The following TTC29 variants were observed in gnomAD, a reference collection of about 807,000 sequenced individuals.
TTC29 encodes tetratricopeptide repeat protein 29.
In TTC29, 49 loss-of-function variants were observed where a neutral mutation model predicts 58.1. The ratio of observed to expected loss-of-function variants is 0.84; its 90% CI spans 0.67 to 1.07. The LOEUF (loss-of-function observed/expected upper bound fraction) is 1.07, where lower values mean the gene tolerates loss of function less well. TTC29 is among the 50% of genes least tolerant of loss of function. The probability of loss-of-function intolerance (pLI) is 0.00; values close to 1 mark genes in which losing one functional copy is unlikely to be tolerated. For synonymous variants in TTC29, 209 were observed against 196.8 expected (o/e 1.06, Z -0.52); for missense variants, 582 against 555.6 (o/e 1.05, Z -0.48).
chr4:146,713,401 A>G (rs1742673287), intron 11 of TTC29, among the ~76,000 whole-genome samples: 1 of 152,082 alleles, frequency 6.6e-6, no homozygotes, highest in Non-Finnish European at 1.5e-5. Flanking sequence ...CTGAGATTAT[A>G]GAGTTAATCT....
In TTC29 at chr4:146,884,926, G is replaced by T. The variant is rs1278667161; in HGVS notation, c.587-9998C>A. 2.6e-5 allele frequency among the ~76,000 whole-genome samples: 4 copies of T among 151,960 alleles called. No individual in the cohort carries two copies. In the South Asian group the frequency reaches 8.3e-4, roughly 32 times the overall value. On this transcript the variant is annotated intron_variant, in intron 6 of 12. Transcript: ENST00000325106. Reference sequence around the variant, plus strand: ...TTTATTGTTAAAAATTTTTTAATATGATAGTAATTAAAATAGAAAATAAGA... The same window carrying T: ...TTTATTGTTAAAAATTTTTTAATATTATAGTAATTAAAATAGAAAATAAGA...
At position 146,855,946 on chromosome 4, in the gene TTC29, T is replaced by A. The variant is rs150739538; in HGVS notation, c.885+11552A>T. ...ATGCCTCTTCTTCTTTCGCAGCCTC[T>A]AGATCAACGAGTGCTAACAGCTGTG... On this transcript the variant is annotated intron_variant, in intron 8 of 12. Coordinates refer to ENST00000325106, the MANE Select transcript of TTC29 (RefSeq NM_031956.4). Among the ~76,000 whole-genome samples the A allele has an allele frequency of 1.1e-4, 16 of 152,340 alleles. No individual in the cohort carries two copies. The East Asian group carries it at 3.1e-3, about 29-fold the overall frequency.
chr4:146,844,585 T>G (rs1410783168), intron 8 of TTC29, among the ~76,000 whole-genome samples: 1 of 152,124 alleles, frequency 6.6e-6, no homozygotes, highest in East Asian at 1.9e-4. Context: ...TTTGTCATGT[T>G]GCTTACGCTG....
intron 6 of TTC29, among the ~76,000 whole-genome samples, chr4:146,875,902 G>A (rs1193668380): frequency 6.6e-6 from 1 of 152,098 alleles, no homozygotes; most frequent in African/African-American, 2.4e-5. Context: ...TCCATACAGT[G>A]GATTGTATTT....
chr4:146,808,942 A>C (rs1330480751), intron 10 of TTC29, among the ~76,000 whole-genome samples: 6 of 152,104 alleles, frequency 3.9e-5, no homozygotes, highest in African/African-American at 1.4e-4. Flanking sequence ...AATCCTAAGC[A>C]AAAAGAACAA....
chr4:146,757,188 A>G (rs1412052516), intron 11 of TTC29, among the ~76,000 whole-genome samples: 1 of 151,222 alleles, frequency 6.6e-6, no homozygotes, highest in East Asian at 1.9e-4. Context: ...CTAGGGCTGA[A>G]GGCTGTTGTT....
intron 11 of TTC29, among the ~76,000 whole-genome samples, chr4:146,743,353 A>G (rs2150037639): frequency 6.6e-6 from 1 of 152,296 alleles, no homozygotes; most frequent in African/African-American, 2.4e-5. Flanking sequence ...GCTCTACCCA[A>G]GGTACAGTCA....
At chr4:146,937,710 G>T in intron 3 of TTC29, 33 bp from the exon 4 acceptor site, 1 of 1,291,312 alleles carries the variant, frequency 7.7e-7, no homozygotes, top group Non-Finnish European at 1.1e-6. Flanking sequence ...ATAAAGCACA[G>T]CCTTATCAAG....
intron 11 of TTC29, among the ~76,000 whole-genome samples, chr4:146,785,953 T>C (rs1263803826): frequency 2.0e-5 from 3 of 150,704 alleles, no homozygotes; most frequent in Non-Finnish European, 4.4e-5. Context: ...AAAGAATATA[T>C]ATATATATGT....
intron 11 of TTC29, among the ~76,000 whole-genome samples, chr4:146,725,376 A>AT (rs1272872087): frequency 6.6e-6 from 1 of 152,096 alleles, no homozygotes; most frequent in Non-Finnish European, 1.5e-5. Flanking sequence ...TCCACAAAAA[A>AT]TTTTAAAAAA....
At chr4:146,803,795 A>C in intron 10 of TTC29, 110 bp from the exon 11 acceptor site, 1 of 773,992 alleles carries the variant, frequency 1.3e-6, no homozygotes, top group East Asian at 2.7e-5. Context: ...CAGTTACAGC[A>C]GTTCATCTTC....
Position 146,732,035 on chromosome 4 carries a change from T to A in TTC29, c.1331-24484A>T, listed in dbSNP as rs187438156. Among the ~76,000 whole-genome samples the A allele has an allele frequency of 2.8e-3, 425 of 152,296 alleles. 4 individuals carry two copies. The highest frequency in any genetic ancestry group is 9.8e-3 in the African/African-American group (409 of 41,572). On this transcript the variant is annotated intron_variant, in intron 11 of 12. Coordinates refer to ENST00000325106, the MANE Select transcript of TTC29 (RefSeq NM_031956.4). ...CTCCTATGAGTGATGTTTCCAGAAG[T>A]AACAAGTTTTGGAAACAAAATAAAT...
intron 6 of TTC29, among the ~76,000 whole-genome samples, chr4:146,879,443 A>C (rs748971533): frequency 6.6e-6 from 1 of 152,176 alleles, no homozygotes; most frequent in African/African-American, 2.4e-5. Flanking sequence ...GACATAATGC[A>C]TACTGCTTTT....
chr4:146,741,922 T>C (rs2150035447), intron 11 of TTC29, among the ~76,000 whole-genome samples: 1 of 152,358 alleles, frequency 6.6e-6, no homozygotes, highest in South Asian at 2.1e-4. Context: ...CAGATTCTAC[T>C]AGCCCTTCAG....
At chr4:146,910,263 T>C (rs1419688503) in intron 4 of TTC29, among the ~76,000 whole-genome samples, 1 of 151,768 alleles carries the variant, frequency 6.6e-6, no homozygotes, top group African/African-American at 2.4e-5. Flanking sequence ...TGTATATTAG[T>C]ATATGCTACC....
chr4:146,921,205 CA>C (rs1411110007), intron 4 of TTC29, among the ~76,000 whole-genome samples: 9 of 151,298 alleles, frequency 5.9e-5, no homozygotes, highest in African/African-American at 2.2e-4. Context: ...GGCTAGAAAA[CA>C]TCTGTGTATA....
intron 11 of TTC29, among the ~76,000 whole-genome samples, chr4:146,713,051 T>G (rs529570526): frequency 6.6e-6 from 1 of 151,538 alleles, no homozygotes; most frequent in African/African-American, 2.4e-5. Context: ...AGTCAGCCTG[T>G]GTGATGCAGT....
Position 146,803,594 on chromosome 4 carries a change from A to G in TTC29, c.1193T>C (p.Val398Ala), listed in dbSNP as rs1445875123. The G allele has an allele frequency of 1.2e-6, 2 of 1,608,878 alleles. No homozygotes were observed. Among genetic ancestry groups the G allele is most frequent in the East Asian group, 2.2e-5 (1 of 44,802 alleles). ...ATGAGCTTTTGCTATTCCATAGTGA[A>G]CTTTTGTCTCATCCATCAGAGGCAT... ...MSMPLMDETK[V>A]HYGIAKAHQM... Residue 398 changes from valine to alanine, a missense_variant, in exon 11 of 13, where the codon GTT becomes GCT. Transcript: ENST00000325106.
intron 2 of TTC29, among the ~76,000 whole-genome samples, chr4:146,943,845 G>A (rs1021458379): frequency 6.6e-6 from 1 of 152,200 alleles, no homozygotes; most frequent in South Asian, 2.1e-4. Flanking sequence ...CATTTTCCTG[G>A]TGTTGGTCAG....
Sources: gnomAD v4.1 joint callset for allele counts (sites outside exome capture counted in the v4.1 genomes callset) on GRCh38, gnomAD v4.1.1 for gene constraint, MANE v1.5 for transcripts, NCBI Gene and HGNC (gene_info 2026-07-23, HGNC 2026-07-21) for gene names.